Variants in SLC4A4 observed in about 807,000 individuals in gnomAD.
SLC4A4 encodes electrogenic sodium bicarbonate cotransporter 1.
In SLC4A4, 27 loss-of-function variants were observed where a neutral mutation model predicts 111.5. That is an observed-to-expected ratio of 0.24 (90% CI 0.18 to 0.33). SLC4A4 has a LOEUF of 0.33. Among genes scored for constraint, SLC4A4 ranks in the 10% least tolerant of loss-of-function variants. The pLI is 1.00. For synonymous variants in SLC4A4, 443 were observed against 463.4 expected (o/e 0.96, Z 0.57); for missense variants, 909 against 1,315.5 (o/e 0.69, Z 4.78).
chr4:71,496,396 G>A (rs942012370), intron 15 of SLC4A4, among the ~76,000 whole-genome samples: 1 of 152,080 alleles, frequency 6.6e-6, no homozygotes, highest in African/African-American at 2.4e-5. Context: ...AGTTAAACAA[G>A]GATATGGTTT....
chr4:71,293,502 G>A (rs565750140), intron 3 of SLC4A4, among the ~76,000 whole-genome samples: 141 of 151,388 alleles, frequency 9.3e-4, no homozygotes, highest in African/African-American at 3.2e-3. Context: ...GGCGGAGGTT[G>A]CAATGAGCCA....
At chr4:71,279,445 A>G (rs1723326227) in intron 3 of SLC4A4, among the ~76,000 whole-genome samples, 2 of 152,138 alleles carry the variant, frequency 1.3e-5, no homozygotes, top group Non-Finnish European at 2.9e-5. Flanking sequence ...GCTGAATAAT[A>G]TTCCATTGGA....
At chr4:71,239,323 A>G (rs1720028050) in intron 2 of SLC4A4, among the ~76,000 whole-genome samples, 1 of 152,216 alleles carries the variant, frequency 6.6e-6, no homozygotes. Context: ...CCAATAAGTG[A>G]TTATTAAAGT....
intron 20 of SLC4A4, among the ~76,000 whole-genome samples, chr4:71,550,206 A>G (rs1372319965): frequency 1.3e-5 from 2 of 151,998 alleles, no homozygotes; most frequent in East Asian, 3.9e-4. Flanking sequence ...TACTGTACAC[A>G]ACCTATATTT....
At chr4:71,434,303 T>G (rs1336660136) in intron 7 of SLC4A4, 1 of 152,078 alleles carries the variant, frequency 6.6e-6, no homozygotes, top group African/African-American at 2.4e-5. Context: ...TTTTCTCAGG[T>G]AAAAAGTATA....
chr4:71,086,040 A>G (rs374232763), intron 1 of SLC4A4, among the ~76,000 whole-genome samples: 9 of 151,956 alleles, frequency 5.9e-5, no homozygotes, highest in Non-Finnish European at 8.8e-5. Context: ...CCATGAGCAT[A>G]GAATGTTCTT....
At chr4:71,123,851 T>C (rs1288061328) in intron 2 of SLC4A4, among the ~76,000 whole-genome samples, 3 of 152,214 alleles carry the variant, frequency 2.0e-5, no homozygotes, top group Admixed American at 2.0e-4. Flanking sequence ...TAACTGATGT[T>C]TAAAAATTTG....
In SLC4A4 at chr4:71,571,797, T is replaced by G. The variant is rs1737948668; in HGVS notation, c.*4046T>G. The G allele has an allele frequency of 6.6e-6, 1 of 152,306 alleles. No homozygotes were observed. The highest frequency in any genetic ancestry group is 1.5e-5 in the Non-Finnish European group (1 of 67,892). The allele number at this position is 152,306 out of a possible 1,614,324, so 9.4% of individuals were successfully genotyped here. ...CTTTCAGATATTCTTATTTTTATTC[T>G]CTTAAGTCTTTATTAACTTTGGAGA... On this transcript the variant is annotated 3_prime_UTR_variant, in exon 26 of 26. Coordinates refer to ENST00000264485, the MANE Select transcript of SLC4A4 (RefSeq NM_001098484.3).
chr4:71,166,532 A>G (rs1456897078), intron 2 of SLC4A4, among the ~76,000 whole-genome samples: 1 of 152,226 alleles, frequency 6.6e-6, no homozygotes, highest in Non-Finnish European at 1.5e-5. Flanking sequence ...TAATAATTTT[A>G]TCCATAAGCA....
chr4:71,172,958 G>A (rs957091759), intron 2 of SLC4A4, among the ~76,000 whole-genome samples: 6 of 152,214 alleles, frequency 3.9e-5, no homozygotes, highest in Non-Finnish European at 8.8e-5. Context: ...ATACTTTGTA[G>A]TACTGTCTGT....
At chr4:71,410,874 A>G (rs1235898321) in intron 7 of SLC4A4, among the ~76,000 whole-genome samples, 4 of 152,222 alleles carry the variant, frequency 2.6e-5, no homozygotes, top group Non-Finnish European at 5.9e-5. Context: ...TCTTGAAAAT[A>G]ACAAGCCACT....
At chr4:71,546,712 C>T (rs758884392) in intron 19 of SLC4A4, among the ~76,000 whole-genome samples, 184 bp downstream of exon 19, 4 of 151,902 alleles carry the variant, frequency 2.6e-5, no homozygotes, top group African/African-American at 4.8e-5. Context: ...TTAGTTTACT[C>T]CTCATGATAT....
intron 2 of SLC4A4, among the ~76,000 whole-genome samples, chr4:71,136,332 A>G (rs1349721957): frequency 6.6e-6 from 1 of 152,200 alleles, no homozygotes; most frequent in Non-Finnish European, 1.5e-5. Context: ...TTTTCTCACT[A>G]ATCTTCTATA....
chr4:71,262,407 C>T (rs1721925570), intron 3 of SLC4A4, among the ~76,000 whole-genome samples: 1 of 152,184 alleles, frequency 6.6e-6, no homozygotes, highest in African/African-American at 2.4e-5. Flanking sequence ...CTTTTAATAA[C>T]TTTCCCATGG....
At chr4:71,451,404 C>A in intron 11 of SLC4A4, 103 bp downstream of exon 11, 1 of 792,820 alleles carries the variant, frequency 1.3e-6, no homozygotes, top group Non-Finnish European at 2.2e-6. Context: ...ATCTGTTCAG[C>A]CAACAAATAT....
At chr4:71,075,228 C>A (rs1741778278) in intron 1 of SLC4A4, among the ~76,000 whole-genome samples, 1 of 152,176 alleles carries the variant, frequency 6.6e-6, no homozygotes, top group Non-Finnish European at 1.5e-5. Context: ...ATGTTAGGAT[C>A]TTAAAGTGGA....
At chr4:71,453,998 A>G (rs6812188) in intron 12 of SLC4A4, among the ~76,000 whole-genome samples, 1,566 of 152,292 alleles carry the variant, frequency 0.01, 29 homozygotes, top group African/African-American at 0.035. Context: ...TAGTTTGACT[A>G]TGTGGAACAT....
At chr4:71,292,849 T>G (rs996128385) in intron 3 of SLC4A4, among the ~76,000 whole-genome samples, 19 of 144,012 alleles carry the variant, frequency 1.3e-4, no homozygotes, top group Non-Finnish European at 2.6e-4. Context: ...TTTGTTTTTT[T>G]TTTTTTTTTT....
At chr4:71,426,307 A>G (rs1723128412) in intron 7 of SLC4A4, among the ~76,000 whole-genome samples, 1 of 152,034 alleles carries the variant, frequency 6.6e-6, no homozygotes, top group Non-Finnish European at 1.5e-5. Context: ...GGCCAAGAGG[A>G]GGGGTCCATT....
Sources: allele counts gnomAD v4.1 joint callset (sites outside exome capture counted in the v4.1 genomes callset), GRCh38; gene constraint gnomAD v4.1.1; transcripts MANE v1.5; gene names NCBI Gene and HGNC (gene_info 2026-07-23, HGNC 2026-07-21).